Variants in COL16A1 observed in about 807,000 individuals in gnomAD.
COL16A1 encodes collagen type XVI alpha 1 chain.
Under a neutral mutation model 266.3 loss-of-function variants are expected in COL16A1, and 189 were observed. The observed-to-expected ratio is 0.71, with a 90% CI of 0.63 to 0.80. The LOEUF (loss-of-function observed/expected upper bound fraction) is 0.80. Among genes scored for constraint, COL16A1 ranks in the 30% least tolerant of loss-of-function variants. The pLI is 0.00. For missense variants in COL16A1, 1,928 were observed against 2,122.4 expected, an observed-to-expected ratio of 0.91 and a Z score of 1.80; for synonymous variants, 740 against 782.3, an observed-to-expected ratio of 0.95 and a Z score of 0.90.
At chr1:31,660,465 C>G (rs1641550932) in intron 62 of COL16A1, 120 bp downstream of exon 62, 1 of 1,374,126 alleles carries the variant, frequency 7.3e-7, no homozygotes, top group Non-Finnish European at 9.9e-7. Context: ...CCCCCGTGCT[C>G]CCACGGCTGG....
chr1:31,662,616 G>A lies in COL16A1; in HGVS notation c.3598C>T (p.Pro1200Ser). 1 of 1,565,402 alleles carries A rather than the reference G, an allele frequency of 6.4e-7. No homozygotes were observed. The highest frequency in any genetic ancestry group is 8.7e-7 in the Non-Finnish European group (1 of 1,155,504). Residue 1200 changes from proline to serine, a missense_variant, in exon 57 of 71, where the codon CCT (proline) becomes TCT (serine). Around this residue, in one of 2 missense-constraint regions of COL16A1, gnomAD observed 1,552 missense variants for 1,637.2 expected, o/e 0.95. Coordinates refer to ENST00000373672, the MANE Select transcript of COL16A1 (RefSeq NM_001856.4). The part of the protein sequence containing the change: ...IRGPSGLPGS[P>S]GPPGPPGIQG... ...ATCCCAGGAGGTCCCGGTGGCCCAG[G>A]GGAGCCAGGCAGGCCTGATGGGCCT...
chr1:31,669,302 A>G (rs1642434582), intron 49 of COL16A1, among the ~76,000 whole-genome samples: 1 of 151,792 alleles, frequency 6.6e-6, no homozygotes, highest in African/African-American at 2.4e-5. Context: ...GATACCCAAC[A>G]CTTACCTGTC....
intron 42 of COL16A1, chr1:31,679,359 A>G: frequency 5.4e-6 from 8 of 1,468,282 alleles, no homozygotes; most frequent in Non-Finnish European, 7.3e-6. Flanking sequence ...GCTCTGTACC[A>G]GGGTAAGGGA....
rs764822466 is a variant in COL16A1 at position 31,672,509 on chromosome 1, A to G, written c.3019-7T>C. 6.2e-7 allele frequency: 1 copy of G among 1,614,004 alleles called. No individual in the cohort carries two copies. The highest frequency in any genetic ancestry group is 8.5e-7 in the Non-Finnish European group (1 of 1,179,948). ...CTCCCTCACTGTTGTCACCCTGGAGAAGGATGGAGACGGTGATAGTGAGCA... is the reference window on the plus strand; with the variant it reads ...CTCCCTCACTGTTGTCACCCTGGAGGAGGATGGAGACGGTGATAGTGAGCA... On this transcript the variant is annotated splice_region_variant and splice_polypyrimidine_tract_variant and intron_variant, in intron 46 of 70. Coordinates refer to ENST00000373672, the MANE Select transcript of COL16A1 (RefSeq NM_001856.4).
chr1:31,684,798 C>A, intron 30 of COL16A1, 23 bp downstream of exon 30: 1 of 1,614,102 alleles, frequency 6.2e-7, no homozygotes, highest in Non-Finnish European at 8.5e-7. Context: ...TGCCCACCCC[C>A]GTGCCCACGG....
Position 31,685,663 on chromosome 1 carries a change from T to C in COL16A1, c.1992A>G (p.Pro664=). 3.1e-6 allele frequency: 5 copies of C among 1,613,892 alleles called. No individual in the cohort carries two copies. The highest frequency in any genetic ancestry group is 4.2e-6 in the Non-Finnish European group (5 of 1,179,974). ...PSGEKGEPGP[P]GFGLPGKQGK... is the part of the protein sequence containing the mutation. ...CCTGTTTTCCTGGCAAGCCAAAGCCTGGAGGCCCAGGTTCCCCCTTCTCTC... is the reference window on the plus strand; with the variant it reads ...CCTGTTTTCCTGGCAAGCCAAAGCCCGGAGGCCCAGGTTCCCCCTTCTCTC... Residue 664 remains proline (P), a synonymous_variant, in exon 29 of 71, where the codon CCA becomes CCG. Coordinates refer to ENST00000373672, the MANE Select transcript of COL16A1 (RefSeq NM_001856.4). This position sits in a 1 kb window ranked among gnomAD's most constrained non-coding sequence, Gnocchi z 4.0.
At position 31,665,328 on chromosome 1, in the gene COL16A1, T is replaced by C; in HGVS notation, c.3493-94A>G. 6 of 1,529,024 alleles carry C rather than the reference T, an allele frequency of 3.9e-6. 1 individual carries two copies. The Middle Eastern group carries it at 5.3e-4, about 135-fold the overall frequency. The allele number at this position is 1,529,024 out of a possible 1,614,324, so 94.7% of individuals were successfully genotyped here. A position where few individuals can be genotyped will look rare whatever the true frequency, so the allele number is the denominator to read the frequency against. ...CCTGTGCATGATGCACTGTTGTTAATGCAATTCATTTTGACTTCCTAGAAG... is the reference window on the plus strand; with the variant it reads ...CCTGTGCATGATGCACTGTTGTTAACGCAATTCATTTTGACTTCCTAGAAG... On this transcript the variant is annotated intron_variant, in intron 55 of 70. Transcript: ENST00000373672.
chr1:31,654,929 G>A, intron 67 of COL16A1, 71 bp from the exon 68 acceptor site: 1 of 1,565,430 alleles, frequency 6.4e-7, no homozygotes, highest in Non-Finnish European at 8.7e-7. Context: ...GGAAATAAAG[G>A]ATGGGGAGGA....
Position 31,657,318 on chromosome 1 carries a change from C to A in COL16A1, c.4021-250G>T. 1.8e-6 allele frequency: 1 copy of A among 565,290 alleles called. No individual in the cohort carries two copies. Among genetic ancestry groups the A allele is most frequent in the Non-Finnish European group, 3.2e-6 (1 of 315,900 alleles). 35.0% of individuals were successfully genotyped at this position (565,290 alleles called of 1,614,324 possible). A position where few individuals can be genotyped will look rare whatever the true frequency, so the allele number is the denominator to read the frequency against. ...AGAGCTTTACAAGGGAAGAACAGAC[C>A]GTGCCTGCCTTGCTGTGTGCTTGGA... is the stretch of plus-strand genomic sequence containing the variant. On this transcript the variant is annotated intron_variant, in intron 64 of 70. Transcript: ENST00000373672. This position sits in a 1 kb window ranked among gnomAD's most constrained non-coding sequence, Gnocchi z 6.4.
At chr1:31,666,260 C>G (rs1031141900) in intron 52 of COL16A1, 179 bp from the exon 53 acceptor site, 9 of 677,250 alleles carry the variant, frequency 1.3e-5, no homozygotes, top group Admixed American at 6.2e-5. Context: ...GCTACTGAAC[C>G]AGCCTCCTAA....
chr1:31,677,474 TTTGTAA>T (rs1188222987), intron 42 of COL16A1, among the ~76,000 whole-genome samples: 1 of 152,236 alleles, frequency 6.6e-6, no homozygotes, highest in South Asian at 2.1e-4. Flanking sequence ...AGCCTGATAC[TTTGTAA>T]TTGTTTTCCT....
At chr1:31,667,469 C>T (rs879510726) in intron 52 of COL16A1, 106 bp downstream of exon 52, 51 of 916,060 alleles carry the variant, frequency 5.6e-5, no homozygotes, top group Non-Finnish European at 7.7e-5. Flanking sequence ...AGGGGGGCAG[C>T]AGGGGTCACG....
chr1:31,684,610 T>C lies in COL16A1; in HGVS notation c.2073A>G (p.Gly691=), dbSNP rs769976154. 8.1e-6 allele frequency: 13 copies of C among 1,613,802 alleles called. No homozygotes were observed. The highest frequency in any genetic ancestry group is 1.1e-5 in the Non-Finnish European group (13 of 1,179,954). ...CTGTGGTGCCCGGCGTTCCAGGGTCTCCAGGATTCCCAGCATCACCCTGTA... is the reference window on the plus strand; with the variant it reads ...CTGTGGTGCCCGGCGTTCCAGGGTCCCCAGGATTCCCAGCATCACCCTGTA... ...KGQKGDAGNP[G]DPGTPGTTGR... Residue 691 remains glycine (G), a synonymous_variant, in exon 31 of 71, where the codon GGA becomes GGG. Coordinates refer to ENST00000373672, the MANE Select transcript of COL16A1 (RefSeq NM_001856.4).
chr1:31,659,372 C>T (rs968052700), intron 62 of COL16A1, among the ~76,000 whole-genome samples: 3 of 152,052 alleles, frequency 2.0e-5, no homozygotes, highest in Non-Finnish European at 4.4e-5. Context: ...GCTGGGGGTC[C>T]GTGTAGCAGG....
Position 31,664,018 on chromosome 1 carries a change from G to A in COL16A1, c.3555+1154C>T, listed in dbSNP as rs566476060. Among the ~76,000 whole-genome samples the A allele has an allele frequency of 3.7e-4, 57 of 152,304 alleles. No homozygotes were observed. Among genetic ancestry groups the A allele is most frequent in the African/African-American group, 1.2e-3 (49 of 41,568 alleles). ...GCTCTGTAATGCCACCAGCCACCAGGAGGGGTCAGCAGAGCCCCAACCAAT... is the reference window on the plus strand; with the variant it reads ...GCTCTGTAATGCCACCAGCCACCAGAAGGGGTCAGCAGAGCCCCAACCAAT... On this transcript the variant is annotated intron_variant, in intron 56 of 70. Transcript: ENST00000373672. This position sits in a 1 kb window ranked among gnomAD's most constrained non-coding sequence, Gnocchi z 5.5.
rs1570500647 is a variant in COL16A1 at position 31,683,119 on chromosome 1, C to G, written c.2469+75G>C. ...GCCCTCTGATAGGCATCACTTGGCC[C>G]CCATGTCCCCTGTGCCTGCTTCTGG... On this transcript the variant is annotated intron_variant, in intron 36 of 70. Coordinates refer to ENST00000373672, the MANE Select transcript of COL16A1 (RefSeq NM_001856.4). 3 of 1,610,452 alleles carry G rather than the reference C, an allele frequency of 1.9e-6. No homozygotes were observed. In the East Asian group the frequency reaches 6.7e-5, roughly 36 times the overall value.
chr1:31,678,848 CA>C (rs1643392472), intron 42 of COL16A1, among the ~76,000 whole-genome samples: 2 of 152,180 alleles, frequency 1.3e-5, no homozygotes, highest in South Asian at 4.1e-4. Context: ...GATTCAAGTT[CA>C]GGCTGCCTGC....
intron 56 of COL16A1, chr1:31,662,891 A>G (rs554761937): frequency 3.9e-4 from 232 of 591,982 alleles, no homozygotes; most frequent in Non-Finnish European, 6.0e-4. Context: ...CCCATGAGGA[A>G]GGGACAGGGC....
intron 44 of COL16A1, among the ~76,000 whole-genome samples, chr1:31,673,842 C>T (rs1642952597): frequency 6.6e-6 from 1 of 152,230 alleles, no homozygotes; most frequent in African/African-American, 2.4e-5. Context: ...GGTCAGCATG[C>T]CCCGGGGTGC....
Sources: gnomAD v4.1 joint callset for allele counts (sites outside exome capture counted in the v4.1 genomes callset) on GRCh38, gnomAD v4.1.1 for gene constraint, gnomAD v4.1.1 regional missense constraint, Gnocchi (gnomAD v3.1) non-coding constraint, MANE v1.5 for transcripts, NCBI Gene and HGNC (gene_info 2026-07-23, HGNC 2026-07-21) for gene names.